PHC2: variants seen among roughly 807,000 people sequenced by gnomAD.
PHC2 encodes polyhomeotic-like protein 2.
Under a neutral mutation model 87.4 loss-of-function variants are expected in PHC2, and 29 were observed. That is an observed-to-expected ratio of 0.33 (90% CI 0.25 to 0.45). The LOEUF (loss-of-function observed/expected upper bound fraction) is 0.45. Among genes scored for constraint, PHC2 ranks in the 20% least tolerant of loss-of-function variants. The pLI is 1.00. For missense variants in PHC2, 857 were observed against 1,136.7 expected, an observed-to-expected ratio of 0.75 and a Z score of 3.54; for synonymous variants, 438 against 461.7, an observed-to-expected ratio of 0.95 and a Z score of 0.66.
At chr1:33,413,977 G>C (rs767656725) in intron 1 of PHC2, among the ~76,000 whole-genome samples, 11 of 152,148 alleles carry the variant, frequency 7.2e-5, no homozygotes, top group Non-Finnish European at 1.0e-4. Context: ...GGCATTGTGA[G>C]AAACAGCATG....
chr1:33,428,808 G>C (rs74825531), intron 1 of PHC2, among the ~76,000 whole-genome samples: 2 of 152,198 alleles, frequency 1.3e-5, no homozygotes, highest in Admixed American at 6.5e-5. Context: ...GAACAGAAAG[G>C]AGGAGGCATT....
chr1:33,325,224 G>C (rs1035401187), intron 14 of PHC2: 21 of 557,920 alleles, frequency 3.8e-5, no homozygotes, highest in Non-Finnish European at 5.7e-5. Flanking sequence ...CGCGATCTGG[G>C]CCTCCTCCTA....
At chr1:33,363,866 G>A in intron 7 of PHC2, 4 of 985,254 alleles carry the variant, frequency 4.1e-6, no homozygotes, top group Non-Finnish European at 4.8e-6. Flanking sequence ...AGGCCCAAGG[G>A]ACCCCTGCTG....
Position 33,349,856 on chromosome 1 carries a change from G to T in PHC2, c.1558+4545C>A. The T allele has an allele frequency of 1.0e-6, 1 of 977,502 alleles. No homozygotes were observed. The highest frequency in any genetic ancestry group is 1.2e-6 in the Non-Finnish European group (1 of 825,842). The allele number at this position is 977,502 out of a possible 1,614,324, so 60.6% of individuals were successfully genotyped here. ...GCGGCGGCCGGGGTTGCGCGCGCGC[G>T]CGCGGCGGGCGCTCGAGGGCTGCAG... On this transcript the variant is annotated intron_variant, in intron 9 of 14. Transcript: ENST00000683057. This position sits in a 1 kb window ranked among gnomAD's most constrained non-coding sequence, Gnocchi z 4.2.
intron 1 of PHC2, among the ~76,000 whole-genome samples, chr1:33,390,481 A>T (rs141753710): frequency 1.3e-5 from 2 of 152,296 alleles, no homozygotes; most frequent in African/African-American, 4.8e-5. Context: ...GGTCAAGTAT[A>T]AAAGTCCATC....
rs184675977 is a variant in PHC2 at position 33,332,172 on chromosome 1, G to A, written c.1891+103C>T. The A allele has an allele frequency of 2.3e-5, 31 of 1,329,422 alleles. No homozygotes were observed. Among genetic ancestry groups the A allele is most frequent in the Non-Finnish European group, 2.7e-5 (25 of 940,818 alleles). The allele number at this position is 1,329,422 out of a possible 1,614,324, so 82.4% of individuals were successfully genotyped here. Reference sequence around the variant, plus strand: ...TGCTGGGGGAAATGTTTACAGACTCGCTGGCTCAGGGTTCCTCTGGGGAAA... The same window carrying A: ...TGCTGGGGGAAATGTTTACAGACTCACTGGCTCAGGGTTCCTCTGGGGAAA... On this transcript the variant is annotated intron_variant, in intron 11 of 14. Transcript: ENST00000683057. The surrounding 1 kb of genome is among the most constrained non-coding windows in gnomAD (Gnocchi z 4.2).
At chr1:33,347,178 G>T in intron 9 of PHC2, 1 of 984,982 alleles carries the variant, frequency 1.0e-6, no homozygotes, top group Non-Finnish European at 1.2e-6. Context: ...CTGAGGGAAG[G>T]GCTTGGTGGC....
At chr1:33,414,634 T>A (rs945662823) in intron 1 of PHC2, among the ~76,000 whole-genome samples, 3 of 152,202 alleles carry the variant, frequency 2.0e-5, no homozygotes, top group African/African-American at 7.2e-5. Flanking sequence ...GCCTTAGCCT[T>A]ATTTTGAAAT....
rs1646588693 is a variant in PHC2 at position 33,334,815 on chromosome 1, A to T, written c.1559-523T>A. Among the ~76,000 whole-genome samples, 1 of 152,232 alleles carries T rather than the reference A, an allele frequency of 6.6e-6. No homozygotes were observed. Among genetic ancestry groups the T allele is most frequent in the Non-Finnish European group, 1.5e-5 (1 of 68,046 alleles). On this transcript the variant is annotated intron_variant, in intron 9 of 14. Coordinates refer to ENST00000683057, the MANE Select transcript of PHC2 (RefSeq NM_001385109.1). This position sits in a 1 kb window ranked among gnomAD's most constrained non-coding sequence, Gnocchi z 5.5. ...TCAAAACACTGAACCCCAGAAATTGATGCCAAGGGAATGTGGGTGCTGAAC... is the reference window on the plus strand; with the variant it reads ...TCAAAACACTGAACCCCAGAAATTGTTGCCAAGGGAATGTGGGTGCTGAAC...
chr1:33,371,553 C>A (rs1224203663), intron 3 of PHC2, among the ~76,000 whole-genome samples: 1 of 152,328 alleles, frequency 6.6e-6, no homozygotes, highest in East Asian at 1.9e-4. Flanking sequence ...CACCGCCCCC[C>A]ACAGAGAATT....
intron 9 of PHC2, among the ~76,000 whole-genome samples, chr1:33,353,636 C>G (rs1647014768): frequency 6.6e-6 from 1 of 152,162 alleles, no homozygotes; most frequent in Admixed American, 6.5e-5. Flanking sequence ...CTTTCCTGTT[C>G]CCCGCCCCTA....
chr1:33,375,691 A>G (rs1213178126), intron 1 of PHC2, 98 bp from the exon 2 acceptor site: 1 of 701,048 alleles, frequency 1.4e-6, no homozygotes, highest in South Asian at 2.5e-5. Flanking sequence ...ACATCCATGG[A>G]TTCAACCAAC....
chr1:33,330,195 G>A lies in PHC2; in HGVS notation c.2024C>T (p.Thr675Ile). The A allele has an allele frequency of 6.2e-7, 1 of 1,614,184 alleles. No homozygotes were observed. The highest frequency in any genetic ancestry group is 8.5e-7 in the Non-Finnish European group (1 of 1,180,036). ...ACAKRYNVGC[T>I]KRVGLFHSDR... ...TGAGTGGAAAAGTCCCACCCGTTTG[G>A]TGCATCCCACGTTGTACCTTCAGGG... Residue 675 changes from threonine (T) to isoleucine (I), a missense_variant, in exon 13 of 15, where the codon ACC becomes ATC. By Grantham distance (89) the Thr-to-Ile change is moderately conservative. Coordinates refer to ENST00000683057, the MANE Select transcript of PHC2 (RefSeq NM_001385109.1).
At chr1:33,337,635 G>A (rs555607469) in intron 9 of PHC2, among the ~76,000 whole-genome samples, 1 of 152,296 alleles carries the variant, frequency 6.6e-6, no homozygotes, top group East Asian at 1.9e-4. Context: ...GCTAGCTTAC[G>A]AGAAAATGCT....
At position 33,354,585 on chromosome 1, in the gene PHC2, G is replaced by C. The variant is rs973058860; in HGVS notation, c.1393-19C>G. The C allele has an allele frequency of 1.2e-6, 2 of 1,604,764 alleles. No homozygotes were observed. Among genetic ancestry groups the C allele is most frequent in the Non-Finnish European group, 1.7e-6 (2 of 1,175,278 alleles). The stretch of plus-strand genomic sequence containing the variant: ...GCTGGGGCTGTCAAAGGACAGGACA[G>C]AGAGGGGGGCCTCTCAGAAATAGCC... On this transcript the variant is annotated intron_variant, in intron 8 of 14. Transcript: ENST00000683057.
chr1:33,344,544 C>G (rs993774121), intron 9 of PHC2, among the ~76,000 whole-genome samples: 2 of 152,222 alleles, frequency 1.3e-5, no homozygotes, highest in African/African-American at 4.8e-5. Flanking sequence ...CACCAGTCAA[C>G]TGATAGAACA....
chr1:33,347,337 G>A (rs1646863004), intron 9 of PHC2: 1 of 985,450 alleles, frequency 1.0e-6, no homozygotes. Flanking sequence ...ATGAGATGAT[G>A]AGACCCACAG....
In PHC2 at chr1:33,364,557, C is replaced by T. The variant is rs963078926; in HGVS notation, c.976+2559G>A. Among the ~76,000 whole-genome samples, 9 of 152,268 alleles carry T rather than the reference C, an allele frequency of 5.9e-5. No homozygotes were observed. In the South Asian group the frequency reaches 8.3e-4, roughly 14 times the overall value. On this transcript the variant is annotated intron_variant, in intron 7 of 14. Coordinates refer to ENST00000683057, the MANE Select transcript of PHC2 (RefSeq NM_001385109.1). This position sits in a 1 kb window ranked among gnomAD's most constrained non-coding sequence, Gnocchi z 4.1. ...CAAGACAGGTGCTGCTCCTGGCTGC[C>T]GTGCACTAGGTCCTAAGAATGATTT...
At chr1:33,421,634 G>A (rs80302173) in intron 1 of PHC2, among the ~76,000 whole-genome samples, 2,271 of 152,260 alleles carry the variant, frequency 0.015, 48 homozygotes, top group African/African-American at 0.051. Context: ...ACTCAAGAAC[G>A]TTTGTGTTTA....
Sources: allele counts gnomAD v4.1 joint callset (sites outside exome capture counted in the v4.1 genomes callset), GRCh38; gene constraint gnomAD v4.1.1; non-coding constraint Gnocchi (gnomAD v3.1); transcripts MANE v1.5; gene names NCBI Gene and HGNC (gene_info 2026-07-23, HGNC 2026-07-21).